Variants in RPGRIP1L observed in about 807,000 individuals in gnomAD.
RPGRIP1L encodes the protein RPGRIP1 like, also known as protein fantom.
A neutral mutation model predicts 160.4 loss-of-function variants in RPGRIP1L; 131 were observed. The observed-to-expected ratio is 0.82, with a 90% CI of 0.71 to 0.94. The LOEUF is 0.94. RPGRIP1L is among the 40% of genes least tolerant of loss of function. The probability of loss-of-function intolerance (pLI) is 0.00; values close to 1 mark genes in which losing one functional copy is unlikely to be tolerated. For synonymous variants in RPGRIP1L, 510 were observed against 515.8 expected (o/e 0.99, Z 0.15); for missense variants, 1,522 against 1,535.8 (o/e 0.99, Z 0.15).
intron 9 of RPGRIP1L, among the ~76,000 whole-genome samples, chr16:53,666,889 T>C (rs1008108598): frequency 6.6e-6 from 1 of 152,126 alleles, no homozygotes; most frequent in Non-Finnish European, 1.5e-5. Context: ...CAATCTGAAT[T>C]TAGTCCACTG....
intron 19 of RPGRIP1L, among the ~76,000 whole-genome samples, chr16:53,638,717 A>T (rs1028004619): frequency 6.6e-6 from 1 of 151,870 alleles, no homozygotes; most frequent in Non-Finnish European, 1.5e-5. Flanking sequence ...GCTATATCCA[A>T]ATACCTGAGT....
At chr16:53,616,742 T>C (rs1352095190) in intron 24 of RPGRIP1L, among the ~76,000 whole-genome samples, 1 of 151,610 alleles carries the variant, frequency 6.6e-6, no homozygotes, top group East Asian at 1.9e-4. Flanking sequence ...AATTAGACAA[T>C]AAAATACCCT....
intron 3 of RPGRIP1L, chr16:53,695,486 G>C (rs1172650771): frequency 2.9e-6 from 2 of 700,556 alleles, no homozygotes. Context: ...ATACAGACCT[G>C]CTCATGATTA....
At position 53,686,586 on chromosome 16, in the gene RPGRIP1L, A is replaced by T. The variant is rs776357446; in HGVS notation, c.633-10T>A. On this transcript the variant is annotated splice_polypyrimidine_tract_variant and intron_variant, in intron 5 of 26. Transcript: ENST00000647211. ...CTGAATAACGTTTTCTCTGAAATAA[A>T]GAGCCTCTGTAAGAACTTGTAGTTT... 1 of 1,613,404 alleles carries T rather than the reference A, an allele frequency of 6.2e-7. No homozygotes were observed. Among genetic ancestry groups the T allele is most frequent in the South Asian group, 1.1e-5 (1 of 91,068 alleles).
intron 2 of RPGRIP1L, among the ~76,000 whole-genome samples, chr16:53,698,302 C>G (rs1291112661): frequency 2.0e-5 from 3 of 149,994 alleles, no homozygotes; most frequent in Non-Finnish European, 3.0e-5. Flanking sequence ...CCAGCCGCCC[C>G]GTCCGGGAGG....
intron 22 of RPGRIP1L, among the ~76,000 whole-genome samples, chr16:53,632,621 G>A (rs1419096675): frequency 2.0e-5 from 3 of 152,170 alleles, no homozygotes; most frequent in Middle Eastern, 3.4e-3. Flanking sequence ...AGGCCTCAAC[G>A]CTCTGGATTA....
At position 53,661,604 on chromosome 16, in the gene RPGRIP1L, AG is replaced by A. The variant is rs1967805724; in HGVS notation, c.1244-2727del. 3.3e-5 allele frequency among the ~76,000 whole-genome samples: 5 copies of A among 152,202 alleles called. No individual in the cohort carries two copies. In the South Asian group the frequency reaches 1.0e-3, roughly 31 times the overall value. The stretch of plus-strand genomic sequence containing the variant: ...CCAGTAAAACATTTTAGGGTTTCTA[AG>A]GGTGAGCTAAAGTGTAAAGGGCATG... On this transcript the variant is annotated intron_variant, in intron 10 of 26. Transcript: ENST00000647211.
Position 53,656,534 on chromosome 16 carries a change from A to C in RPGRIP1L, c.1637T>G (p.Leu546Arg). ...KMENLQQDYELKVEQYVHLLD... is the reference protein window; with the variant it reads ...KMENLQQDYERKVEQYVHLLD... ...AAGATGAACATACTGTTCCACTTTG[A>C]GTTCATAATCTTGCTGCAAATTTTC... Residue 546 changes from leucine (L) to arginine (R), a missense_variant, in exon 14 of 27, where the codon CTC becomes CGC. Transcript: ENST00000647211. The C allele has an allele frequency of 6.2e-7, 1 of 1,614,052 alleles. No individual in the cohort carries two copies. The highest frequency in any genetic ancestry group is 8.5e-7 in the Non-Finnish European group (1 of 1,179,956).
In RPGRIP1L at chr16:53,598,887, G is replaced by T. The variant is rs1049063403; in HGVS notation, c.*3189C>A. On this transcript the variant is annotated 3_prime_UTR_variant, in exon 27 of 27. Coordinates refer to ENST00000647211, the MANE Select transcript of RPGRIP1L (RefSeq NM_015272.5). ...TCCTGGTTGTTTTGTCCTACACAAA[G>T]ATGACATTTTATTCTCATATTTGTT... 2 of 152,146 alleles carry T rather than the reference G, an allele frequency of 1.3e-5. No homozygotes were observed. Among genetic ancestry groups the T allele is most frequent in the Non-Finnish European group, 2.9e-5 (2 of 68,026 alleles). 9.4% of individuals were successfully genotyped at this position (152,146 alleles called of 1,614,324 possible).
chr16:53,669,300 G>A (rs887029217), intron 9 of RPGRIP1L, among the ~76,000 whole-genome samples: 6 of 152,022 alleles, frequency 3.9e-5, no homozygotes, highest in Non-Finnish European at 7.4e-5. Flanking sequence ...TGGGTTTTGT[G>A]CTTATGTTAC....
chr16:53,657,720 CATTG>C (rs982905650), intron 12 of RPGRIP1L, 88 bp from the exon 13 acceptor site: 12 of 737,830 alleles, frequency 1.6e-5, no homozygotes, highest in Non-Finnish European at 2.6e-5. Context: ...ATAAATAATT[CATTG>C]ATTGATCAAT....
intron 1 of RPGRIP1L, 37 bp downstream of exon 1, chr16:53,703,766 C>T: frequency 6.1e-6 from 2 of 328,926 alleles, no homozygotes; most frequent in South Asian, 2.8e-5. Context: ...GCAACCTCCA[C>T]CCACCCTCAT....
At position 53,649,842 on chromosome 16, in the gene RPGRIP1L, A is replaced by AT. The variant is rs1966825845; in HGVS notation, c.2153-728_2153-727insA. Among the ~76,000 whole-genome samples, 3 of 152,168 alleles carry AT rather than the reference A, an allele frequency of 2.0e-5. No homozygotes were observed. In the South Asian group the frequency reaches 6.2e-4, roughly 32 times the overall value. ...CTGTTTACCAGCCTATTTCTCTAAT[A>AT]CGCCATAAGTTTCTTGAGAGCAAGG... On this transcript the variant is annotated intron_variant, in intron 15 of 26. Transcript: ENST00000647211.
intron 22 of RPGRIP1L, chr16:53,628,614 A>ATAC (rs1387253655): frequency 6.6e-6 from 1 of 152,208 alleles, no homozygotes; most frequent in East Asian, 1.9e-4. Context: ...AATAATAATA[A>ATAC]TAAGTACATA....
At chr16:53,694,772 A>G (rs1342205374) in intron 3 of RPGRIP1L, 1 of 152,286 alleles carries the variant, frequency 6.6e-6, no homozygotes, top group Non-Finnish European at 1.5e-5. Flanking sequence ...TCAGCCTCCC[A>G]AAGTGCTGGG....
intron 2 of RPGRIP1L, among the ~76,000 whole-genome samples, chr16:53,698,734 G>A (rs569783391): frequency 5.4e-5 from 8 of 148,432 alleles, no homozygotes; most frequent in South Asian, 2.1e-4. Context: ...TCAGCACCCC[G>A]CCCGGCCAGC....
At chr16:53,634,542 T>C (rs1965712917) in intron 22 of RPGRIP1L, among the ~76,000 whole-genome samples, 1 of 152,156 alleles carries the variant, frequency 6.6e-6, no homozygotes, top group African/African-American at 2.4e-5. Flanking sequence ...TGGAGTCTAT[T>C]GGGAGGTGTT....
chr16:53,626,316 T>C (rs991761782), intron 22 of RPGRIP1L, among the ~76,000 whole-genome samples: 1 of 152,184 alleles, frequency 6.6e-6, no homozygotes, highest in Non-Finnish European at 1.5e-5. Context: ...GTCATTCCTC[T>C]GCAGGCTACC....
At chr16:53,609,737 G>C (rs1370515599) in intron 25 of RPGRIP1L, among the ~76,000 whole-genome samples, 2 of 152,020 alleles carry the variant, frequency 1.3e-5, no homozygotes, top group Non-Finnish European at 2.9e-5. Flanking sequence ...TAACCCTGGG[G>C]GACTGGTGGC....
Sources: allele counts gnomAD v4.1 joint callset (sites outside exome capture counted in the v4.1 genomes callset), GRCh38; gene constraint gnomAD v4.1.1; transcripts MANE v1.5; gene names NCBI Gene and HGNC (gene_info 2026-07-23, HGNC 2026-07-21).